The following MRPL2 variants were observed in gnomAD, a reference collection of about 807,000 sequenced individuals.
MRPL2 encodes large ribosomal subunit protein uL2m.
A neutral mutation model predicts 34.6 loss-of-function variants in MRPL2; 27 were observed. That is an observed-to-expected ratio of 0.78 (90% CI 0.58 to 1.08). The LOEUF (loss-of-function observed/expected upper bound fraction) is 1.08. MRPL2 is among the 50% of genes least tolerant of loss of function. The pLI is 0.00. For synonymous variants in MRPL2, 155 were observed against 158.0 expected (o/e 0.98, Z 0.14); for missense variants, 414 against 419.3 (o/e 0.99, Z 0.11).
At chr6:43,054,893 C>T (rs1427712838) in intron 6 of MRPL2, among the ~76,000 whole-genome samples, 1 of 152,074 alleles carries the variant, frequency 6.6e-6, no homozygotes, top group African/African-American at 2.4e-5. Context: ...GCCTGGCCAA[C>T]GTGGTGATAC....
upstream of MRPL2, chr6:43,059,593 C>T: frequency 7.1e-7 from 1 of 1,414,974 alleles, no homozygotes; most frequent in Non-Finnish European, 9.2e-7. Context: ...CCCGCCCCCC[C>T]AGACCCGTCA....
Position 43,054,249 on chromosome 6 carries a change from G to A in MRPL2, c.*25C>T, listed in dbSNP as rs377309394. ...GTAACAGATTAAAACGGGGGGGGGG[G>A]GCATTTTATTAGAGTACAGGGATAT... is the stretch of plus-strand genomic sequence containing the variant. On this transcript the variant is annotated 3_prime_UTR_variant, in exon 7 of 7. Transcript: ENST00000388752. 42 of 1,378,530 alleles carry A rather than the reference G, an allele frequency of 3.0e-5. No individual in the cohort carries two copies. The highest frequency in any genetic ancestry group is 4.1e-4 in the Middle Eastern group (2 of 4,848). The allele number at this position is 1,378,530 out of a possible 1,614,324, so 85.4% of individuals were successfully genotyped here. A position where few individuals can be genotyped will look rare whatever the true frequency, so the allele number is the denominator to read the frequency against.
intron 6 of MRPL2, 37 bp from the exon 7 acceptor site, chr6:43,054,523 G>C (rs200148871): frequency 1.5e-4 from 232 of 1,578,268 alleles, no homozygotes; most frequent in Non-Finnish European, 1.8e-4. Context: ...TGTACAATGG[G>C]GGGGAAAGAG....
In MRPL2 at chr6:43,054,239, G is replaced by GT; in HGVS notation, c.*34_*35insA. 1 of 132,546 alleles carries GT rather than the reference G, an allele frequency of 7.5e-6. No individual in the cohort carries two copies. Among genetic ancestry groups the GT allele is most frequent in the Admixed American group, 2.0e-4 (1 of 4,898 alleles). 8.2% of individuals were successfully genotyped at this position (132,546 alleles called of 1,614,324 possible). ...CAAAACCACAGTAACAGATTAAAAC[G>GT]GGGGGGGGGGGCATTTTATTAGAGT... On this transcript the variant is annotated 3_prime_UTR_variant, in exon 7 of 7. Transcript: ENST00000388752.
chr6:43,058,335 T>C, intron 1 of MRPL2, 102 bp from the exon 2 acceptor site: 3 of 1,134,764 alleles, frequency 2.6e-6, no homozygotes, highest in Non-Finnish European at 3.8e-6. Flanking sequence ...TGTAGCCCAC[T>C]TCCTCCTGGA....
Position 43,054,217 on chromosome 6 carries a change from AACCACAG to A in MRPL2, c.*50_*56del. On this transcript the variant is annotated 3_prime_UTR_variant, in exon 7 of 7. Coordinates refer to ENST00000388752, the MANE Select transcript of MRPL2 (RefSeq NM_015950.5). Reference sequence around the variant, plus strand: ...AAAAAACAAAAAACACCCAAAACAAAACCACAGTAACAGATTAAAACGGGGGGGGGGG... The same window carrying A: ...AAAAAACAAAAAACACCCAAAACAAATAACAGATTAAAACGGGGGGGGGGG... 1 of 1,247,134 alleles carries A rather than the reference AACCACAG, an allele frequency of 8.0e-7. No homozygotes were observed. Among genetic ancestry groups the A allele is most frequent in the Non-Finnish European group, 1.1e-6 (1 of 902,516 alleles). The allele number at this position is 1,247,134 out of a possible 1,614,324, so 77.3% of individuals were successfully genotyped here.
intron 5 of MRPL2, 58 bp from the exon 6 acceptor site, chr6:43,055,676 A>T: frequency 6.3e-7 from 1 of 1,583,876 alleles, no homozygotes; most frequent in South Asian, 1.1e-5. Context: ...AGAGGGACTT[A>T]CACAGGGGAC....
In MRPL2 at chr6:43,054,033, T is replaced by C. The variant is rs1278862208; in HGVS notation, c.*241A>G. The C allele has an allele frequency of 1.1e-5, 7 of 656,014 alleles. 1 individual carries two copies. Among genetic ancestry groups the C allele is most frequent in the Middle Eastern group, 8.3e-4 (2 of 2,402 alleles). 40.6% of individuals were successfully genotyped at this position (656,014 alleles called of 1,614,324 possible). The stretch of plus-strand genomic sequence containing the variant: ...CCCAAAGTCAGAACTGGAAAAGACC[T>C]TGGACGTCATTTATTTCCATCCCCG... On this transcript the variant is annotated 3_prime_UTR_variant, in exon 7 of 7. Coordinates refer to ENST00000388752, the MANE Select transcript of MRPL2 (RefSeq NM_015950.5).
upstream of MRPL2, chr6:43,059,682 G>A (rs1309025559): frequency 2.2e-6 from 3 of 1,335,410 alleles, no homozygotes; most frequent in African/African-American, 3.0e-5. Context: ...CCGGCAGATT[G>A]CAGGTGAGTC....
At chr6:43,059,822 T>G, upstream of MRPL2, 1 of 1,165,540 alleles carries the variant, frequency 8.6e-7, no homozygotes, top group Admixed American at 4.4e-5. Context: ...CCCTTCGCGA[T>G]TCTTCCCCGC....
intron 1 of MRPL2, 131 bp from the exon 2 acceptor site, chr6:43,058,364 T>C (rs901784253): frequency 1.0e-5 from 8 of 790,684 alleles, no homozygotes; most frequent in Non-Finnish European, 1.4e-5. Context: ...AAACCAGCTA[T>C]CCAAAAACTC....
At chr6:43,058,263 G>A in intron 1 of MRPL2, 30 bp from the exon 2 acceptor site, 1 of 1,609,518 alleles carries the variant, frequency 6.2e-7, no homozygotes, top group Non-Finnish European at 8.5e-7. Flanking sequence ...TCTTTCATTT[G>A]AAAGCTAATT....
At chr6:43,054,692 C>T (rs1413640981) in intron 6 of MRPL2, among the ~76,000 whole-genome samples, 1 of 152,232 alleles carries the variant, frequency 6.6e-6, no homozygotes, top group African/African-American at 2.4e-5. Context: ...AATCCCAGCA[C>T]TTTGGGAGGC....
rs751079569 is a variant in MRPL2 at position 43,058,166 on chromosome 6, G to C, written c.164C>G (p.Thr55Ser). The change falls in exon 2 of 7, where the codon ACT (threonine) becomes AGT (serine). Residue 55 changes from threonine to serine, a missense_variant. By Grantham distance (58) the Thr-to-Ser change is moderately conservative. Transcript: ENST00000388752. ...LMLLPCRPVL[T>S]SVALNANFVS... Reference sequence around the variant, plus strand: ...AAAGTTGGCATTAAGGGCCACAGAAGTAAGAACTGGGCGGCAGGGGAGCAA... The same window carrying C: ...AAAGTTGGCATTAAGGGCCACAGAACTAAGAACTGGGCGGCAGGGGAGCAA... 6.2e-7 allele frequency: 1 copy of C among 1,614,246 alleles called. No individual in the cohort carries two copies. The highest frequency in any genetic ancestry group is 8.5e-7 in the Non-Finnish European group (1 of 1,180,048).
At chr6:43,055,449 T>C (rs1013748950) in intron 6 of MRPL2, 96 bp downstream of exon 6, 9 of 1,191,078 alleles carry the variant, frequency 7.6e-6, no homozygotes, top group Non-Finnish European at 9.7e-6. Context: ...AGGCAGTTCC[T>C]TGCATCATAA....
Position 43,055,999 on chromosome 6 carries a change from G to T in MRPL2, c.529C>A (p.Arg177=), listed in dbSNP as rs752021425. Residue 177 remains arginine (R), a synonymous_variant, in exon 5 of 7, where the codon CGG becomes AGG. Coordinates refer to ENST00000388752, the MANE Select transcript of MRPL2 (RefSeq NM_015950.5). ...CCAAGAGGATGCGCATCCCCTTCCC[G>T]AGCAGCAACTAAAAGACAGGATTTC... ...NHIGRMAVAA[R]EGDAHPLGAL... 3 of 1,614,060 alleles carry T rather than the reference G, an allele frequency of 1.9e-6. No individual in the cohort carries two copies. The highest frequency in any genetic ancestry group is 2.5e-6 in the Non-Finnish European group (3 of 1,179,998).
chr6:43,058,184 G>C lies in MRPL2; in HGVS notation c.146C>G (p.Pro49Arg). 1.2e-6 allele frequency: 2 copies of C among 1,614,172 alleles called. No homozygotes were observed. Among genetic ancestry groups the C allele is most frequent in the Non-Finnish European group, 1.7e-6 (2 of 1,180,032 alleles). The change falls in exon 2 of 7, where the codon CCC becomes CGC. Residue 49 changes from proline to arginine, a missense_variant. Physicochemically the swap from Pro to Arg is moderately radical, Grantham distance 103. Coordinates refer to ENST00000388752, the MANE Select transcript of MRPL2 (RefSeq NM_015950.5). ...CACAGAAGTAAGAACTGGGCGGCAGGGGAGCAACATCAAGGCAGAGGGCTG... is the reference window on the plus strand; with the variant it reads ...CACAGAAGTAAGAACTGGGCGGCAGCGGAGCAACATCAAGGCAGAGGGCTG... ...LQQPSALMLL[P>R]CRPVLTSVAL...
chr6:43,056,355 G>A lies in MRPL2; in HGVS notation c.356C>T (p.Ser119Leu), dbSNP rs1764879189. ...GATAACCTTCTCCTCAAAGGGTCCTGACTTGGTCTCCTCAGGCCGGAAACG... is the reference window on the plus strand; with the variant it reads ...GATAACCTTCTCCTCAAAGGGTCCTAACTTGGTCTCCTCAGGCCGGAAACG... ...FLRFRPEETK[S>L]GPFEEKVIQV... The change falls in exon 3 of 7, where the codon TCA (serine) becomes TTA (leucine). Residue 119 changes from serine (S) to leucine (L), a missense_variant. Physicochemically the swap from Ser to Leu is moderately radical, Grantham distance 145. Transcript: ENST00000388752. The A allele has an allele frequency of 6.2e-7, 1 of 1,614,212 alleles. No individual in the cohort carries two copies.
chr6:43,059,644 G>A, upstream of MRPL2: 1 of 1,374,466 alleles, frequency 7.3e-7, no homozygotes, highest in South Asian at 1.8e-5. Flanking sequence ...GATTTAAAGG[G>A]GCAGTACCGG....
Sources: allele counts gnomAD v4.1 joint callset (sites outside exome capture counted in the v4.1 genomes callset), GRCh38; gene constraint gnomAD v4.1.1; transcripts MANE v1.5; gene names NCBI Gene and HGNC (gene_info 2026-07-23, HGNC 2026-07-21).